Variants in LRRTM3 observed in about 807,000 individuals in gnomAD.
The protein encoded by LRRTM3 is leucine-rich repeat transmembrane neuronal protein 3.
Under a neutral mutation model 44.7 loss-of-function variants are expected in LRRTM3, and 24 were observed. The observed-to-expected ratio is 0.54, with a 90% CI of 0.39 to 0.76. The LOEUF (loss-of-function observed/expected upper bound fraction) is 0.76. Ranked by LOEUF, LRRTM3 falls within the 30% of genes least tolerant of loss-of-function variation. The probability of loss-of-function intolerance (pLI) is 0.00; values close to 1 mark genes in which losing one functional copy is unlikely to be tolerated. For synonymous variants in LRRTM3, 277 were observed against 278.7 expected (o/e 0.99, Z 0.06); for missense variants, 587 against 702.2 (o/e 0.84, Z 1.85).
intron 2 of LRRTM3, among the ~76,000 whole-genome samples, chr10:67,029,255 T>C (rs1179376635): frequency 6.6e-6 from 1 of 152,240 alleles, no homozygotes; most frequent in Non-Finnish European, 1.5e-5. Flanking sequence ...AACATGAATT[T>C]ACAGTTGAAA....
At chr10:67,080,947 AAAC>A (rs1437003971) in intron 2 of LRRTM3, among the ~76,000 whole-genome samples, 3 of 151,574 alleles carry the variant, frequency 2.0e-5, no homozygotes, top group Admixed American at 1.3e-4. Context: ...AAAAAAAAAA[AAAC>A]AAAGAAGAGG....
intron 2 of LRRTM3, among the ~76,000 whole-genome samples, chr10:66,930,084 A>G (rs1198497431): frequency 6.6e-6 from 1 of 152,256 alleles, no homozygotes; most frequent in Admixed American, 6.5e-5. Flanking sequence ...GGGGTTTTTC[A>G]TATGCTGAGA....
In LRRTM3 at chr10:66,927,389, A is replaced by G; in HGVS notation, c.473A>G (p.Lys158Arg). ...LGSEQFRGLR[K>R]LLSLHLRSNS... ...TCTGAACAGTTTCGGGGCTTGCGGA[A>G]GCTGCTGAGTTTACATTTACGGTCT... Residue 158 changes from lysine to arginine, a missense_variant, in exon 2 of 3, where the codon AAG becomes AGG. Physicochemically the swap from Lys to Arg is conservative, Grantham distance 26 (BLOSUM62 2). Coordinates refer to ENST00000361320, the MANE Select transcript of LRRTM3 (RefSeq NM_178011.5). This position sits in a 1 kb window ranked among gnomAD's most constrained non-coding sequence, Gnocchi z 4.7. The G allele has an allele frequency of 6.2e-7, 1 of 1,614,168 alleles. No individual in the cohort carries two copies. The highest frequency in any genetic ancestry group is 8.5e-7 in the Non-Finnish European group (1 of 1,180,040).
intron 2 of LRRTM3, among the ~76,000 whole-genome samples, chr10:66,981,375 TAA>T (rs1850431974): frequency 6.6e-6 from 1 of 152,264 alleles, no homozygotes; most frequent in Admixed American, 6.5e-5. Flanking sequence ...CACTCAGGCA[TAA>T]GTCACCCTGC....
At chr10:66,933,936 A>G (rs776903553) in intron 2 of LRRTM3, among the ~76,000 whole-genome samples, 3 of 152,116 alleles carry the variant, frequency 2.0e-5, no homozygotes, top group Non-Finnish European at 4.4e-5. Flanking sequence ...ATATCTAAAG[A>G]TCAGAGAGAG....
chr10:67,002,019 G>C (rs931647145), intron 2 of LRRTM3, among the ~76,000 whole-genome samples: 2 of 152,140 alleles, frequency 1.3e-5, no homozygotes, highest in Non-Finnish European at 2.9e-5. Context: ...CCTAGGTTCC[G>C]AGGAGGTCAC....
intron 2 of LRRTM3, among the ~76,000 whole-genome samples, chr10:66,934,655 C>T (rs1475095481): frequency 1.3e-5 from 2 of 151,992 alleles, no homozygotes; most frequent in Non-Finnish European, 2.9e-5. Flanking sequence ...TCCTAGAAAA[C>T]AAAGTATAGG....
chr10:67,083,053 G>A lies in LRRTM3; in HGVS notation c.1537-14534G>A, dbSNP rs557894183. Among the ~76,000 whole-genome samples, 11 of 152,200 alleles carry A rather than the reference G, an allele frequency of 7.2e-5. No individual in the cohort carries two copies. The East Asian group carries it at 2.1e-3, about 29-fold the overall frequency. On this transcript the variant is annotated intron_variant, in intron 2 of 2. Coordinates refer to ENST00000361320, the MANE Select transcript of LRRTM3 (RefSeq NM_178011.5). ...ACAAAAAAGCAGGTGTTCACCTAAG[G>A]GTCAGGAGAGGCAAGTGTGATCAGG...
At chr10:66,941,959 T>C (rs1848017902) in intron 2 of LRRTM3, among the ~76,000 whole-genome samples, 1 of 152,128 alleles carries the variant, frequency 6.6e-6, no homozygotes, top group South Asian at 2.1e-4. Flanking sequence ...GATTTCATGG[T>C]GTAGGAGGGA....
intron 2 of LRRTM3, among the ~76,000 whole-genome samples, chr10:67,038,278 T>C (rs1482366359): frequency 6.6e-6 from 1 of 152,134 alleles, no homozygotes; most frequent in African/African-American, 2.4e-5. Context: ...AAAAATGCAT[T>C]GTAAAATTAT....
chr10:66,954,665 G>T (rs1337084428), intron 2 of LRRTM3, among the ~76,000 whole-genome samples: 1 of 152,154 alleles, frequency 6.6e-6, no homozygotes, highest in Non-Finnish European at 1.5e-5. Context: ...GATAAATTTG[G>T]ATTAAAATCC....
chr10:67,097,068 C>T (rs554894181), intron 2 of LRRTM3, among the ~76,000 whole-genome samples: 1 of 151,824 alleles, frequency 6.6e-6, no homozygotes, highest in Non-Finnish European at 1.5e-5. Context: ...ACTTGTAAGA[C>T]ATGTGGATTC....
intron 2 of LRRTM3, among the ~76,000 whole-genome samples, chr10:67,088,662 G>A (rs1857444853): frequency 6.6e-6 from 1 of 151,866 alleles, no homozygotes; most frequent in African/African-American, 2.4e-5. Flanking sequence ...GAACTCTTAA[G>A]TTTTTTTCAC....
chr10:67,043,206 C>A (rs1299526900), intron 2 of LRRTM3, among the ~76,000 whole-genome samples: 1 of 146,218 alleles, frequency 6.8e-6, no homozygotes, highest in Non-Finnish European at 1.5e-5. Flanking sequence ...AGCTCACATA[C>A]TTGAAGTGTG....
chr10:66,983,248 C>T (rs760961967), intron 2 of LRRTM3, among the ~76,000 whole-genome samples: 2 of 152,104 alleles, frequency 1.3e-5, no homozygotes, highest in Non-Finnish European at 1.5e-5. Flanking sequence ...TTCATTCCAT[C>T]CTAGCCCCCT....
At chr10:66,977,694 A>G (rs902003766) in intron 2 of LRRTM3, among the ~76,000 whole-genome samples, 1 of 152,226 alleles carries the variant, frequency 6.6e-6, no homozygotes, top group Admixed American at 6.5e-5. Context: ...TCAGATAGCT[A>G]TCTACTATTG....
At position 67,079,834 on chromosome 10, in the gene LRRTM3, C is replaced by T. The variant is rs1157352184; in HGVS notation, c.1537-17753C>T. On this transcript the variant is annotated intron_variant, in intron 2 of 2. Coordinates refer to ENST00000361320, the MANE Select transcript of LRRTM3 (RefSeq NM_178011.5). Reference sequence around the variant, plus strand: ...CTGAACTCCAGCCTGGGTGGCACAGCGAGACTCCATCTCAAAAAAACAAAA... The same window carrying T: ...CTGAACTCCAGCCTGGGTGGCACAGTGAGACTCCATCTCAAAAAAACAAAA... Among the ~76,000 whole-genome samples, 5 of 143,968 alleles carry T rather than the reference C, an allele frequency of 3.5e-5. No homozygotes were observed. In the South Asian group the frequency reaches 1.2e-3, roughly 33 times the overall value. 94.4% of individuals were successfully genotyped at this position (143,968 alleles called of 152,430 possible).
At chr10:67,091,310 T>C (rs1857618542) in intron 2 of LRRTM3, among the ~76,000 whole-genome samples, 1 of 151,858 alleles carries the variant, frequency 6.6e-6, no homozygotes, top group Non-Finnish European at 1.5e-5. Context: ...TTTAAGTAAA[T>C]TGAGAATTTA....
At chr10:67,058,455 T>C (rs1855569065) in intron 2 of LRRTM3, among the ~76,000 whole-genome samples, 1 of 152,226 alleles carries the variant, frequency 6.6e-6, no homozygotes, top group African/African-American at 2.4e-5. Context: ...CAGCAGTAAA[T>C]TAGCAGTAAA....
Sources: gnomAD v4.1 joint callset for allele counts (sites outside exome capture counted in the v4.1 genomes callset) on GRCh38, gnomAD v4.1.1 for gene constraint, Gnocchi (gnomAD v3.1) non-coding constraint, MANE v1.5 for transcripts, NCBI Gene and HGNC (gene_info 2026-07-23, HGNC 2026-07-21) for gene names.